Variants in FOXP1 observed in about 807,000 individuals in gnomAD.
FOXP1 encodes forkhead box P1.
Under a neutral mutation model 98.2 loss-of-function variants are expected in FOXP1, and 15 were observed. The observed-to-expected ratio is 0.15, with a 90% CI of 0.10 to 0.24. FOXP1 has a LOEUF of 0.24. Ranked by LOEUF, FOXP1 falls within the 10% of genes least tolerant of loss-of-function variation. The pLI is 1.00. For synonymous variants in FOXP1, 371 were observed against 314.5 expected (o/e 1.18, Z -1.90); for missense variants, 633 against 848.5 (o/e 0.75, Z 3.15).
At chr3:71,345,649 G>A (rs2077289946) in intron 4 of FOXP1, among the ~76,000 whole-genome samples, 1 of 151,912 alleles carries the variant, frequency 6.6e-6, no homozygotes, top group African/African-American at 2.4e-5. Context: ...AATAAGAAGA[G>A]CCACCCAGAG....
chr3:70,973,016 A>G (rs1186475904), intron 17 of FOXP1, among the ~76,000 whole-genome samples: 1 of 152,218 alleles, frequency 6.6e-6, no homozygotes, highest in Non-Finnish European at 1.5e-5. Flanking sequence ...AAAGTATGAA[A>G]CTGCCCTTTT....
At chr3:71,032,479 T>C (rs1384489491) in intron 11 of FOXP1, among the ~76,000 whole-genome samples, 1 of 152,230 alleles carries the variant, frequency 6.6e-6, no homozygotes, top group Non-Finnish European at 1.5e-5. Context: ...TTTCCCTTTG[T>C]GAGCTTCCAC....
At chr3:71,045,327 A>G (rs552760340) in intron 10 of FOXP1, among the ~76,000 whole-genome samples, 10 of 152,274 alleles carry the variant, frequency 6.6e-5, no homozygotes, top group Admixed American at 4.6e-4. Context: ...CACATTACAC[A>G]TGAGCTTGTC....
chr3:70,995,543 C>A (rs2041244124), intron 13 of FOXP1, among the ~76,000 whole-genome samples: 2 of 152,122 alleles, frequency 1.3e-5, no homozygotes, highest in Non-Finnish European at 2.9e-5. Context: ...ATGTCATCGA[C>A]CCAAATGATT....
chr3:71,235,397 T>C (rs1271238599), intron 5 of FOXP1, among the ~76,000 whole-genome samples: 1 of 152,216 alleles, frequency 6.6e-6, no homozygotes. Flanking sequence ...CCAAACAACA[T>C]TGCTTTGATT....
At chr3:71,382,161 G>A (rs892177421) in intron 3 of FOXP1, among the ~76,000 whole-genome samples, 1 of 152,092 alleles carries the variant, frequency 6.6e-6, no homozygotes, top group East Asian at 1.9e-4. Context: ...TATAGTCCCA[G>A]CTACTTGGGA....
intron 6 of FOXP1, among the ~76,000 whole-genome samples, chr3:71,132,412 C>T (rs752213909): frequency 2.6e-5 from 4 of 152,142 alleles, no homozygotes; most frequent in Non-Finnish European, 1.5e-5. Flanking sequence ...GGAATTATCA[C>T]AACTTTCTCA....
At chr3:71,299,086 A>G (rs753101986) in intron 5 of FOXP1, among the ~76,000 whole-genome samples, 22 of 152,230 alleles carry the variant, frequency 1.4e-4, no homozygotes, top group Non-Finnish European at 2.8e-4. Context: ...TGCCTTTATC[A>G]GAGAGGTACT....
At chr3:71,067,632 C>T (rs1425700647) in intron 7 of FOXP1, among the ~76,000 whole-genome samples, 1 of 151,904 alleles carries the variant, frequency 6.6e-6, no homozygotes, top group Non-Finnish European at 1.5e-5. Context: ...TGCAGTGGCT[C>T]ATACTCATAA....
chr3:71,333,602 C>T (rs538235708), intron 4 of FOXP1: 1 of 152,128 alleles, frequency 6.6e-6, no homozygotes, highest in East Asian at 1.9e-4. Context: ...GTGGGAGGAT[C>T]ACTTGCACTC....
chr3:71,478,915 G>C (rs1205342094), intron 3 of FOXP1, among the ~76,000 whole-genome samples: 3 of 152,210 alleles, frequency 2.0e-5, no homozygotes, highest in Non-Finnish European at 2.9e-5. Flanking sequence ...TGAGAATCTT[G>C]TTGAAAGGAG....
At chr3:70,971,182 T>C in intron 18 of FOXP1, 1 of 309,638 alleles carries the variant, frequency 3.2e-6, no homozygotes, top group South Asian at 3.1e-5. Context: ...CAGGGGCTGC[T>C]GGGCACGAGC....
chr3:71,452,750 G>A (rs1156313709), intron 3 of FOXP1, among the ~76,000 whole-genome samples: 1 of 152,140 alleles, frequency 6.6e-6, no homozygotes, highest in African/African-American at 2.4e-5. Flanking sequence ...TTCAGTTGCT[G>A]ACAAAATCAG....
At chr3:71,214,788 A>C (rs777019752) in intron 5 of FOXP1, among the ~76,000 whole-genome samples, 3 of 152,144 alleles carry the variant, frequency 2.0e-5, no homozygotes, top group African/African-American at 4.8e-5. Flanking sequence ...AGGCACAACC[A>C]ATTGATGAGA....
chr3:71,054,216 A>AG lies in FOXP1; in HGVS notation c.283-444dup, dbSNP rs371463351. The stretch of plus-strand genomic sequence containing the variant: ...ACTTGCTCTGTGGACAGTGATTTTA[A>AG]GAACAACCAATCAATGCTTATACTT... On this transcript the variant is annotated intron_variant, in intron 7 of 20. Coordinates refer to ENST00000649528, the MANE Select transcript of FOXP1 (RefSeq NM_001349338.3). Among the ~76,000 whole-genome samples, 150 of 152,328 alleles carry AG rather than the reference A, an allele frequency of 9.8e-4. 1 individual carries two copies. Among genetic ancestry groups the AG allele is most frequent in the African/African-American group, 3.6e-3 (148 of 41,574 alleles).
At chr3:71,266,254 T>C (rs1576661966) in intron 5 of FOXP1, among the ~76,000 whole-genome samples, 1 of 148,402 alleles carries the variant, frequency 6.7e-6, no homozygotes, top group East Asian at 2.1e-4. Flanking sequence ...TAAATTTGTT[T>C]ATTTTTTTTG....
chr3:71,160,148 C>G (rs1018057968), intron 6 of FOXP1, among the ~76,000 whole-genome samples: 2 of 152,218 alleles, frequency 1.3e-5, no homozygotes, highest in African/African-American at 4.8e-5. Flanking sequence ...GTTCTTGCCA[C>G]CCGGCTGGTT....
intron 7 of FOXP1, among the ~76,000 whole-genome samples, chr3:71,111,605 G>A (rs2057931964): frequency 6.6e-6 from 1 of 152,044 alleles, no homozygotes; most frequent in Admixed American, 6.5e-5. Flanking sequence ...CACCAGGTTG[G>A]CCAGCCTCGT....
intron 7 of FOXP1, among the ~76,000 whole-genome samples, chr3:71,069,691 A>G (rs2052984533): frequency 6.6e-6 from 1 of 152,202 alleles, no homozygotes; most frequent in Non-Finnish European, 1.5e-5. Context: ...GAAGAGTGAC[A>G]GTATTTTTGG....
Sources: allele counts gnomAD v4.1 joint callset (sites outside exome capture counted in the v4.1 genomes callset), GRCh38; gene constraint gnomAD v4.1.1; transcripts MANE v1.5; gene names NCBI Gene and HGNC (gene_info 2026-07-23, HGNC 2026-07-21).